DOCK4: variants seen among roughly 807,000 people sequenced by gnomAD.
DOCK4 encodes the protein dedicator of cytokinesis protein 4.
A neutral mutation model predicts 268.1 loss-of-function variants in DOCK4; 97 were observed. That is an observed-to-expected ratio of 0.36 (90% CI 0.31 to 0.43). DOCK4 has a LOEUF of 0.43. Ranked by LOEUF, DOCK4 falls within the 20% of genes least tolerant of loss-of-function variation. The pLI is 1.00. For synonymous variants in DOCK4, 954 were observed against 887.2 expected (o/e 1.08, Z -1.34); for missense variants, 2,145 against 2,455.7 (o/e 0.87, Z 2.67).
chr7:112,204,422 C>A (rs916676308), intron 1 of DOCK4, among the ~76,000 whole-genome samples: 2 of 152,182 alleles, frequency 1.3e-5, no homozygotes, highest in South Asian at 4.1e-4. Flanking sequence ...CCCTCGGGTC[C>A]CTCACCAGTC....
At chr7:112,195,434 G>C (rs62476056) in intron 1 of DOCK4, among the ~76,000 whole-genome samples, 13,943 of 152,180 alleles carry the variant, frequency 0.092, 1,479 homozygotes, top group African/African-American at 0.26. Context: ...AGAACTGCCT[G>C]TTGATGTTTT....
intron 1 of DOCK4, among the ~76,000 whole-genome samples, chr7:112,137,967 T>C (rs950959561): frequency 1.3e-5 from 2 of 152,200 alleles, no homozygotes; most frequent in East Asian, 1.9e-4. Flanking sequence ...ATTCAGTAAA[T>C]GTTAGCCATG....
chr7:111,941,432 G>T (rs1586445517), intron 10 of DOCK4, among the ~76,000 whole-genome samples: 1 of 151,084 alleles, frequency 6.6e-6, no homozygotes, highest in Middle Eastern at 3.4e-3. Context: ...TTTTTTAAAT[G>T]AAAAAAAAGG....
intron 44 of DOCK4, among the ~76,000 whole-genome samples, chr7:111,744,904 G>A (rs1796164988): frequency 6.6e-6 from 1 of 152,180 alleles, no homozygotes; most frequent in Admixed American, 6.5e-5. Context: ...AAAGATGGAT[G>A]AAAACCAGAC....
At chr7:111,844,469 A>C (rs2134079306) in intron 25 of DOCK4, among the ~76,000 whole-genome samples, 1 of 152,344 alleles carries the variant, frequency 6.6e-6, no homozygotes, top group South Asian at 2.1e-4. Flanking sequence ...GAGAATAAAA[A>C]GTCATCAAGT....
At chr7:111,768,609 A>T (rs1797915257) in intron 37 of DOCK4, among the ~76,000 whole-genome samples, 1 of 152,164 alleles carries the variant, frequency 6.6e-6, no homozygotes. Context: ...AGAGTACTAC[A>T]AGCCCTTGAA....
At position 111,999,114 on chromosome 7, in the gene DOCK4, G is replaced by C. The variant is rs1006560211; in HGVS notation, c.163-611C>G. Among the ~76,000 whole-genome samples, 4 of 151,980 alleles carry C rather than the reference G, an allele frequency of 2.6e-5. 1 individual carries two copies. The South Asian group carries it at 8.3e-4, about 31-fold the overall frequency. On this transcript the variant is annotated intron_variant, in intron 3 of 52. Transcript: ENST00000428084. Reference sequence around the variant, plus strand: ...TAGGAAATGACAAGGCAAGGAAATTGTTTCTTTGTTCTAAATGGGAAATTG... The same window carrying C: ...TAGGAAATGACAAGGCAAGGAAATTCTTTCTTTGTTCTAAATGGGAAATTG...
chr7:111,954,265 A>G (rs1044039209), intron 8 of DOCK4, among the ~76,000 whole-genome samples: 1 of 152,194 alleles, frequency 6.6e-6, no homozygotes, highest in African/African-American at 2.4e-5. Context: ...AAATTGCTCT[A>G]TTTATGCCCC....
chr7:112,137,177 C>T (rs1488018286), intron 1 of DOCK4, among the ~76,000 whole-genome samples: 1 of 152,140 alleles, frequency 6.6e-6, no homozygotes, highest in Non-Finnish European at 1.5e-5. Context: ...TTTATCATAG[C>T]TTATGTGATG....
chr7:112,064,919 C>T (rs139980872), intron 1 of DOCK4, among the ~76,000 whole-genome samples: 430 of 152,278 alleles, frequency 2.8e-3, no homozygotes, highest in African/African-American at 9.6e-3. Context: ...CATTGGTAAG[C>T]GCATCAGAGA....
chr7:111,774,329 ATGG>A (rs934922407), intron 36 of DOCK4, among the ~76,000 whole-genome samples: 8 of 152,040 alleles, frequency 5.3e-5, no homozygotes, highest in African/African-American at 1.9e-4. Context: ...TTAGCTGGGC[ATGG>A]TGGCAGGCAC....
intron 25 of DOCK4, among the ~76,000 whole-genome samples, chr7:111,836,087 A>C (rs952629127): frequency 1.3e-5 from 2 of 152,210 alleles, no homozygotes; most frequent in Non-Finnish European, 2.9e-5. Context: ...AATATTATTA[A>C]TATTTTTGTA....
chr7:111,868,584 C>A (rs1806165439), intron 21 of DOCK4, among the ~76,000 whole-genome samples: 1 of 152,042 alleles, frequency 6.6e-6, no homozygotes, highest in African/African-American at 2.4e-5. Flanking sequence ...GTGGCCCATG[C>A]CTGTAATCCC....
intron 10 of DOCK4, among the ~76,000 whole-genome samples, 187 bp from the exon 11 acceptor site, chr7:111,940,429 A>G (rs758808859): frequency 2.0e-5 from 3 of 152,166 alleles, no homozygotes; most frequent in African/African-American, 4.8e-5. Flanking sequence ...TAGCTGTGTG[A>G]CCTTGGGTAA....
At chr7:111,822,295 G>A (rs1035373845) in intron 27 of DOCK4, 67 bp downstream of exon 27, 4 of 1,334,086 alleles carry the variant, frequency 3.0e-6, no homozygotes, top group Middle Eastern at 1.9e-4. Context: ...AAATGAAAAA[G>A]ATAATTTTGT....
chr7:111,864,243 T>TAAA (rs11423422), intron 22 of DOCK4, among the ~76,000 whole-genome samples: 2 of 140,864 alleles, frequency 1.4e-5, no homozygotes, highest in Non-Finnish European at 3.1e-5. Context: ...TATTTTTATG[T>TAAA]AAAAAAAAAA....
intron 1 of DOCK4, among the ~76,000 whole-genome samples, chr7:112,157,057 C>A (rs1816674731): frequency 1.3e-5 from 2 of 152,058 alleles, no homozygotes; most frequent in African/African-American, 4.8e-5. Context: ...TTCTCCTTCA[C>A]ACTTTTTCCT....
At chr7:111,793,327 T>C (rs1799679472) in intron 30 of DOCK4, among the ~76,000 whole-genome samples, 1 of 152,278 alleles carries the variant, frequency 6.6e-6, no homozygotes. Flanking sequence ...TGGTATCTTC[T>C]GTCTCTATAC....
rs188838197 is a variant in DOCK4 at position 111,852,318 on chromosome 7, T to A, written c.2474-5192A>T. Among the ~76,000 whole-genome samples the A allele has an allele frequency of 2.1e-3, 323 of 152,304 alleles. 1 individual carries two copies. The highest frequency in any genetic ancestry group is 7.6e-3 in the African/African-American group (314 of 41,570). On this transcript the variant is annotated intron_variant, in intron 23 of 52. Transcript: ENST00000428084. ...ACTGGGTTACCAAAATAACCAGGTC[T>A]GGCCTCAGGTTTAGCATCAAAACAG...
Sources: allele counts gnomAD v4.1 joint callset (sites outside exome capture counted in the v4.1 genomes callset), GRCh38; gene constraint gnomAD v4.1.1; transcripts MANE v1.5; gene names NCBI Gene and HGNC (gene_info 2026-07-23, HGNC 2026-07-21).